The following DCDC1 variants were observed in gnomAD, a reference collection of about 807,000 sequenced individuals.
DCDC1 encodes doublecortin domain containing 1.
A neutral mutation model predicts 178.3 loss-of-function variants in DCDC1; 200 were observed. The observed-to-expected ratio is 1.12, with a 90% CI of 1.00 to 1.26. The LOEUF is 1.26. Among genes scored for constraint, DCDC1 ranks in the 50% most tolerant of loss-of-function variants. The probability of loss-of-function intolerance (pLI) is 0.00; values close to 1 mark genes in which losing one functional copy is unlikely to be tolerated. For missense variants in DCDC1, 1,983 were observed against 1,749.2 expected, an observed-to-expected ratio of 1.13 and a Z score of -2.38; for synonymous variants, 690 against 604.8, an observed-to-expected ratio of 1.14 and a Z score of -2.07.
At chr11:31,326,262 T>C (rs78535782) in intron 3 of DCDC1, among the ~76,000 whole-genome samples, 1,766 of 151,918 alleles carry the variant, frequency 0.012, 70 homozygotes, top group Admixed American at 0.082. Flanking sequence ...GACTGACATA[T>C]AATGAAAAGG....
intron 8 of DCDC1, among the ~76,000 whole-genome samples, chr11:31,246,436 A>G (rs530271252): frequency 3.9e-5 from 6 of 151,948 alleles, no homozygotes; most frequent in African/African-American, 1.4e-4. Flanking sequence ...GACATTTGGG[A>G]ATTTCCCACC....
intron 23 of DCDC1, among the ~76,000 whole-genome samples, chr11:30,925,009 G>T (rs1323443778): frequency 4.6e-5 from 7 of 151,674 alleles, no homozygotes; most frequent in Admixed American, 4.6e-4. Flanking sequence ...GGAGGCAGAG[G>T]TTGCAGTGAG....
At chr11:31,250,415 C>CACACACACACACACACATATAT (rs1223526182) in intron 8 of DCDC1, among the ~76,000 whole-genome samples, 2 of 73,730 alleles carry the variant, frequency 2.7e-5, no homozygotes, top group Admixed American at 1.3e-4. Flanking sequence ...CACACACACA[C>CACACACACACACACACATATAT]ATATACATAT....
Position 31,065,055 on chromosome 11 carries a change from T to C in DCDC1, c.2397A>G (p.Thr799=), listed in dbSNP as rs764410332. ...EYHIHHGAWT[T]AHQEHGRNLA... is the part of the protein sequence containing the mutation. ...AGTTTCTGCCATGTTCCTGATGAGC[T>C]GTGGTCCAGGCACCATGGTGAATGT... Residue 799 remains threonine, a synonymous_variant, in exon 19 of 39, where the codon ACA becomes ACG. Coordinates refer to ENST00000684477, the MANE Select transcript of DCDC1 (RefSeq NM_001387274.1). The C allele has an allele frequency of 1.3e-6, 1 of 765,060 alleles. No individual in the cohort carries two copies. The highest frequency in any genetic ancestry group is 1.3e-5 in the South Asian group (1 of 74,462). 47.4% of individuals were successfully genotyped at this position (765,060 alleles called of 1,614,324 possible).
intron 20 of DCDC1, 54 bp from the exon 21 acceptor site, chr11:30,952,622 T>C: frequency 1.4e-6 from 1 of 725,142 alleles, no homozygotes; most frequent in Non-Finnish European, 2.2e-6. Context: ...AATATCACTT[T>C]AAAATATTCA....
chr11:30,973,172 T>A (rs1949907448), intron 20 of DCDC1, among the ~76,000 whole-genome samples: 1 of 149,772 alleles, frequency 6.7e-6, no homozygotes. Flanking sequence ...CTCATGAAGC[T>A]GAGGCAGGAG....
intron 22 of DCDC1, among the ~76,000 whole-genome samples, 156 bp downstream of exon 22, chr11:30,931,615 T>C (rs1347385312): frequency 1.3e-5 from 2 of 152,282 alleles, no homozygotes; most frequent in Middle Eastern, 6.8e-3. Context: ...AGAAACTAAA[T>C]GAGTCCTAGT....
intron 1 of DCDC1, 104 bp downstream of exon 1, chr11:31,369,593 G>C (rs1396436983): frequency 6.5e-6 from 1 of 152,840 alleles, no homozygotes; most frequent in Non-Finnish European, 1.5e-5. Flanking sequence ...GATGGCGAGG[G>C]GGTGCTCGCT....
chr11:31,124,354 T>C (rs1179648094), intron 11 of DCDC1, among the ~76,000 whole-genome samples: 2 of 152,062 alleles, frequency 1.3e-5, no homozygotes, highest in Admixed American at 1.3e-4. Context: ...CCAGCCATAC[T>C]CCCCAAAGCA....
At chr11:31,348,704 G>A (rs1269383607) in intron 1 of DCDC1, among the ~76,000 whole-genome samples, 1 of 152,134 alleles carries the variant, frequency 6.6e-6, no homozygotes, top group East Asian at 1.9e-4. Context: ...GGAGATATAA[G>A]TTGCTGCCAC....
chr11:30,930,078 A>G (rs1946836216), intron 22 of DCDC1, among the ~76,000 whole-genome samples: 1 of 152,148 alleles, frequency 6.6e-6, no homozygotes, highest in Admixed American at 6.6e-5. Context: ...GCTTGTAGAG[A>G]CACTAAACAG....
At chr11:30,969,496 T>G (rs1296142536) in intron 20 of DCDC1, among the ~76,000 whole-genome samples, 1 of 152,206 alleles carries the variant, frequency 6.6e-6, no homozygotes, top group African/African-American at 2.4e-5. Flanking sequence ...TACTGATTTT[T>G]AAATTTCTGG....
intron 9 of DCDC1, among the ~76,000 whole-genome samples, chr11:31,154,662 G>T (rs1387883888): frequency 3.3e-5 from 5 of 152,142 alleles, no homozygotes; most frequent in Admixed American, 6.5e-5. Context: ...ATTATTAAAA[G>T]AAATTCTGGA....
At chr11:30,921,431 C>T (rs147301237) in intron 24 of DCDC1, among the ~76,000 whole-genome samples, 1 of 152,034 alleles carries the variant, frequency 6.6e-6, no homozygotes, top group Non-Finnish European at 1.5e-5. Flanking sequence ...GGAGGAAGAT[C>T]ATGAGGAAAT....
At chr11:31,191,386 C>T (rs1252161122) in intron 9 of DCDC1, among the ~76,000 whole-genome samples, 1 of 151,936 alleles carries the variant, frequency 6.6e-6, no homozygotes, top group African/African-American at 2.4e-5. Flanking sequence ...CTAGTATTCC[C>T]TTTAGCATGA....
intron 20 of DCDC1, among the ~76,000 whole-genome samples, chr11:31,008,272 T>G (rs373420735): frequency 6.6e-6 from 1 of 152,040 alleles, no homozygotes; most frequent in East Asian, 1.9e-4. Flanking sequence ...AAGGAGGAAG[T>G]GCAGATAATT....
chr11:30,865,773 T>C (rs1194205998), intron 38 of DCDC1, among the ~76,000 whole-genome samples: 1 of 152,062 alleles, frequency 6.6e-6, no homozygotes, highest in African/African-American at 2.4e-5. Flanking sequence ...TAATGGTTTT[T>C]CCATTAATAT....
intron 13 of DCDC1, among the ~76,000 whole-genome samples, chr11:31,104,273 T>C (rs962960049): frequency 1.3e-5 from 2 of 152,158 alleles, no homozygotes; most frequent in Non-Finnish European, 2.9e-5. Context: ...AGATTTTAAA[T>C]GAAAACAATG....
At position 31,064,642 on chromosome 11, in the gene DCDC1, T is replaced by C. The variant is rs757442625; in HGVS notation, c.2434-16A>G. On this transcript the variant is annotated splice_polypyrimidine_tract_variant and intron_variant, in intron 19 of 38. Coordinates refer to ENST00000684477, the MANE Select transcript of DCDC1 (RefSeq NM_001387274.1). ...CTTGCAGAACCTAATAAATGAAATA[T>C]AGGAATCATGTAGCTAATTTTCATT... The C allele has an allele frequency of 3.7e-5, 28 of 764,772 alleles. No homozygotes were observed. Among genetic ancestry groups the C allele is most frequent in the Non-Finnish European group, 3.8e-5 (16 of 417,084 alleles). 47.4% of individuals were successfully genotyped at this position (764,772 alleles called of 1,614,324 possible). A position where few individuals can be genotyped will look rare whatever the true frequency, so the allele number is the denominator to read the frequency against.
Sources: allele counts gnomAD v4.1 joint callset (sites outside exome capture counted in the v4.1 genomes callset), GRCh38; gene constraint gnomAD v4.1.1; transcripts MANE v1.5; gene names NCBI Gene and HGNC (gene_info 2026-07-23, HGNC 2026-07-21).